XRN2: variants seen among roughly 807,000 people sequenced by gnomAD.
XRN2 encodes the protein DHM1-like protein.
A neutral mutation model predicts 138.5 loss-of-function variants in XRN2; 44 were observed. The ratio of observed to expected loss-of-function variants is 0.32; its 90% CI spans 0.25 to 0.41. The LOEUF is 0.41. XRN2 is among the 10% of genes least tolerant of loss of function. The pLI is 1.00. For missense variants in XRN2, 937 were observed against 1,169.3 expected, an observed-to-expected ratio of 0.80 and a Z score of 2.90; for synonymous variants, 354 against 369.4, an observed-to-expected ratio of 0.96 and a Z score of 0.48.
intron 27 of XRN2, among the ~76,000 whole-genome samples, chr20:21,379,598 A>G (rs1310708458): frequency 6.6e-6 from 1 of 152,198 alleles, no homozygotes; most frequent in Non-Finnish European, 1.5e-5. Flanking sequence ...CCTGGAGGTG[A>G]GAGATAGAAA....
chr20:21,325,037 A>G (rs1000922622), intron 1 of XRN2, among the ~76,000 whole-genome samples: 1 of 152,174 alleles, frequency 6.6e-6, no homozygotes, highest in African/African-American at 2.4e-5. Flanking sequence ...ATTTGCAAAC[A>G]TGTCTATTTT....
At chr20:21,377,250 T>C (rs916635773) in intron 27 of XRN2, among the ~76,000 whole-genome samples, 3 of 140,830 alleles carry the variant, frequency 2.1e-5, no homozygotes, top group Non-Finnish European at 4.6e-5. Context: ...CAACATATGA[T>C]TTGTCGGTTT....
intron 15 of XRN2, among the ~76,000 whole-genome samples, chr20:21,342,555 T>G (rs2038385902): frequency 6.6e-6 from 1 of 152,232 alleles, no homozygotes; most frequent in African/African-American, 2.4e-5. Context: ...AAAGTTTGCT[T>G]TTTACACAAC....
chr20:21,321,160 G>A (rs535398461), intron 1 of XRN2, among the ~76,000 whole-genome samples: 100 of 151,948 alleles, frequency 6.6e-4, no homozygotes, highest in Middle Eastern at 3.4e-3. Context: ...GGGATTACAG[G>A]TATGCTATCA....
At chr20:21,326,678 T>C in intron 3 of XRN2, 77 bp downstream of exon 3, 3 of 1,154,528 alleles carry the variant, frequency 2.6e-6, no homozygotes, top group Admixed American at 2.5e-5. Flanking sequence ...GAAAGTCAGC[T>C]AAATAATGAA....
intron 29 of XRN2, 139 bp downstream of exon 29, chr20:21,387,145 G>A: frequency 8.3e-7 from 1 of 1,202,228 alleles, no homozygotes; most frequent in Non-Finnish European, 1.1e-6. Context: ...ACTTGGGTCT[G>A]TCATTAAAAA....
At chr20:21,370,737 G>A (rs2038752585) in intron 27 of XRN2, among the ~76,000 whole-genome samples, 1 of 152,232 alleles carries the variant, frequency 6.6e-6, no homozygotes, top group Non-Finnish European at 1.5e-5. Flanking sequence ...TTGGATTGCA[G>A]TGGGAAAGGG....
At chr20:21,303,616 C>T in intron 1 of XRN2, 143 bp downstream of exon 1, 4 of 1,369,408 alleles carry the variant, frequency 2.9e-6, no homozygotes, top group Non-Finnish European at 3.7e-6. Context: ...AGTCGCAGCC[C>T]CACACGCGAT....
In XRN2 at chr20:21,331,765, T is replaced by C. The variant is rs778351931; in HGVS notation, c.650-3T>C. The C allele has an allele frequency of 1.9e-6, 3 of 1,607,038 alleles. No individual in the cohort carries two copies. In the South Asian group the frequency reaches 3.4e-5, roughly 18 times the overall value. On this transcript the variant is annotated splice_polypyrimidine_tract_variant and splice_region_variant and intron_variant, in intron 7 of 29. Transcript: ENST00000377191. ...TATAAATACATGTTTCTCTCTTGTT[T>C]AGCCCAGCCTAACCATGACCCAAAT... is the stretch of plus-strand genomic sequence containing the variant.
At chr20:21,351,109 TAAATA>T (rs1027744870) in intron 20 of XRN2, among the ~76,000 whole-genome samples, 2 of 152,196 alleles carry the variant, frequency 1.3e-5, no homozygotes, top group African/African-American at 4.8e-5. Context: ...AGTAGATAAT[TAAATA>T]TATAAACATG....
Position 21,368,445 on chromosome 20 carries a change from T to A in XRN2, c.2457-18T>A. The A allele has an allele frequency of 6.2e-7, 1 of 1,612,718 alleles. No individual in the cohort carries two copies. Among genetic ancestry groups the A allele is most frequent in the Non-Finnish European group, 8.5e-7 (1 of 1,179,476 alleles). On this transcript the variant is annotated intron_variant, in intron 26 of 29. Transcript: ENST00000377191. ...ATCACTATACAATTTTTTTTTCTTG[T>A]GTTGGGTCCTTTTATAGCCATGTGA...
intron 1 of XRN2, chr20:21,303,904 C>T: frequency 1.0e-6 from 1 of 967,650 alleles, no homozygotes; most frequent in Non-Finnish European, 1.2e-6. Flanking sequence ...TTTTTGACAA[C>T]CTTGTAAAGG....
intron 27 of XRN2, among the ~76,000 whole-genome samples, chr20:21,369,060 C>T (rs1188778691): frequency 6.6e-6 from 1 of 152,092 alleles, no homozygotes; most frequent in East Asian, 1.9e-4. Context: ...CCCAACCCTT[C>T]CCCTACTACC....
intron 8 of XRN2, 100 bp downstream of exon 8, chr20:21,331,918 C>A: frequency 1.5e-6 from 2 of 1,314,108 alleles, no homozygotes; most frequent in South Asian, 1.3e-5. Flanking sequence ...CTGGAAGTTC[C>A]AAAATGCCTT....
chr20:21,381,983 TTC>T lies in XRN2; in HGVS notation c.2585-9_2585-8del. On this transcript the variant is annotated splice_polypyrimidine_tract_variant and intron_variant, in intron 27 of 29. Transcript: ENST00000377191. ...AAAAATCTTCTTAACCCTTTCCTGT[TTC>T]TTTTTCAGATATGAGGCCCCAGGAT... 1 of 1,605,340 alleles carries T rather than the reference TTC, an allele frequency of 6.2e-7. No individual in the cohort carries two copies. The highest frequency in any genetic ancestry group is 8.5e-7 in the Non-Finnish European group (1 of 1,176,198).
At chr20:21,354,714 C>A (rs1427689222) in intron 20 of XRN2, 75 bp from the exon 21 acceptor site, 2 of 1,379,506 alleles carry the variant, frequency 1.4e-6, no homozygotes, top group African/African-American at 1.4e-5. Context: ...TAGAAACGTT[C>A]ATTTCGAGCA....
chr20:21,377,257 G>GTTTTTTTTTTTTTTTTT (rs1166479171), intron 27 of XRN2, among the ~76,000 whole-genome samples: 1 of 30,322 alleles, frequency 3.3e-5, no homozygotes, highest in Non-Finnish European at 5.7e-5. Context: ...TGATTTGTCG[G>GTTTTTTTTTTTTTTTTT]TTTTTTCTTT....
chr20:21,319,731 T>TTA (rs958919535), intron 1 of XRN2, among the ~76,000 whole-genome samples: 1 of 152,146 alleles, frequency 6.6e-6, no homozygotes, highest in African/African-American at 2.4e-5. Context: ...TATATTATTG[T>TTA]TATATATATT....
intron 27 of XRN2, among the ~76,000 whole-genome samples, chr20:21,371,560 C>T (rs1389883236): frequency 6.6e-6 from 1 of 152,164 alleles, no homozygotes; most frequent in African/African-American, 2.4e-5. Flanking sequence ...CAAGTCATAC[C>T]ATGTACAACA....
Sources: gnomAD v4.1 joint callset for allele counts (sites outside exome capture counted in the v4.1 genomes callset) on GRCh38, gnomAD v4.1.1 for gene constraint, MANE v1.5 for transcripts, NCBI Gene and HGNC (gene_info 2026-07-23, HGNC 2026-07-21) for gene names.